Variants in HTR2C observed in about 807,000 individuals in gnomAD.
The protein encoded by HTR2C is 5-hydroxytryptamine receptor 2C.
A neutral mutation model predicts 21.0 loss-of-function variants in HTR2C; 5 were observed. That is an observed-to-expected ratio of 0.24 (90% confidence interval 0.12 to 0.50). The LOEUF is 0.50. HTR2C is among the 20% of genes least tolerant of loss of function. The pLI, the probability that HTR2C is intolerant of heterozygous loss-of-function variation, is 0.98. For missense variants in HTR2C, 271 were observed against 371.2 expected, an observed-to-expected ratio of 0.73 and a Z score of 2.22; for synonymous variants, 150 against 145.3, an observed-to-expected ratio of 1.03 and a Z score of -0.23.
At chrX:114,842,806 T>C (rs1195109388) in intron 4 of HTR2C, among the ~76,000 whole-genome samples, 1 of 111,771 alleles carries the variant, frequency 8.9e-6, no homozygotes, top group Non-Finnish European at 1.9e-5. Flanking sequence ...TCCTTTTTTT[T>C]CTTTGCCTAC....
At chrX:114,794,588 C>T (rs1384545824) in intron 4 of HTR2C, among the ~76,000 whole-genome samples, 2 of 91,715 alleles carry the variant, frequency 2.2e-5, no homozygotes, top group Non-Finnish European at 4.2e-5. Flanking sequence ...CATGTGTTCT[C>T]GTTGTTCAAT....
intron 4 of HTR2C, among the ~76,000 whole-genome samples, chrX:114,746,856 G>A (rs1602742649): frequency 9.0e-6 from 1 of 111,200 alleles, no homozygotes; most frequent in African/African-American, 3.3e-5. Context: ...ATGGTGGCGG[G>A]CGCCTGTAGT....
chrX:114,701,081 C>A (rs185948256), intron 2 of HTR2C, among the ~76,000 whole-genome samples: 2,139 of 112,176 alleles, frequency 0.019, 15 homozygotes, highest in Non-Finnish European at 0.028. Flanking sequence ...TGGAACCCAC[C>A]ACAGCTCAAG....
rs1602626115 is a variant in HTR2C at position 114,599,293 on chromosome X, G to A, written c.-146-14522G>A. Among the ~76,000 whole-genome samples the A allele has an allele frequency of 2.7e-5, 3 of 111,917 alleles. No individual in the cohort carries two copies. In the South Asian group the frequency reaches 1.1e-3, roughly 41 times the overall value. ...GAGAGAAACATGTAAAGACAAATAA[G>A]AGTATTTTTTGAAGTTTAAATTAGA... On this transcript the variant is annotated intron_variant, in intron 1 of 5. Coordinates refer to ENST00000276198, the MANE Select transcript of HTR2C (RefSeq NM_000868.4).
At chrX:114,767,279 G>A (rs2069956283) in intron 4 of HTR2C, among the ~76,000 whole-genome samples, 1 of 110,818 alleles carries the variant, frequency 9.0e-6, no homozygotes. Flanking sequence ...GTATACATGG[G>A]ATAATTAGAA....
At chrX:114,678,561 C>A (rs1931644361) in intron 2 of HTR2C, among the ~76,000 whole-genome samples, 1 of 111,322 alleles carries the variant, frequency 9.0e-6, no homozygotes, top group Admixed American at 9.6e-5. Flanking sequence ...ATGAATAGAG[C>A]CTCATGAGTA....
intron 4 of HTR2C, among the ~76,000 whole-genome samples, chrX:114,777,066 C>T (rs2070065905): frequency 9.0e-6 from 1 of 111,683 alleles, no homozygotes; most frequent in South Asian, 3.7e-4. Context: ...GTACTAATGC[C>T]CTTACAAGGG....
chrX:114,742,724 TTAA>T (rs2069661585), intron 4 of HTR2C, among the ~76,000 whole-genome samples: 54 of 53,851 alleles, frequency 1.0e-3, no homozygotes, highest in African/African-American at 3.3e-3. Context: ...TTTTTTTTTT[TTAA>T]TTTTTTTTTT....
chrX:114,771,461 AAGG>A (rs781904201), intron 4 of HTR2C, among the ~76,000 whole-genome samples: 1 of 111,758 alleles, frequency 8.9e-6, no homozygotes, highest in African/African-American at 3.3e-5. Context: ...ACCCTGTTCC[AAGG>A]AGATTTTTGT....
chrX:114,746,841 C>T (rs1274380041), intron 4 of HTR2C, among the ~76,000 whole-genome samples: 1 of 111,064 alleles, frequency 9.0e-6, no homozygotes, highest in Admixed American at 9.5e-5. Flanking sequence ...AAAAATTAGC[C>T]GGGCATGGTG....
At chrX:114,859,532 T>C (rs1171635260) in intron 5 of HTR2C, among the ~76,000 whole-genome samples, 2 of 111,579 alleles carry the variant, frequency 1.8e-5, no homozygotes, top group Admixed American at 9.6e-5. Context: ...GTCTATATAA[T>C]GTGTAGTGAC....
intron 2 of HTR2C, among the ~76,000 whole-genome samples, chrX:114,641,858 G>A (rs1737483794): frequency 9.0e-6 from 1 of 111,006 alleles, no homozygotes; most frequent in Non-Finnish European, 1.9e-5. Flanking sequence ...AGCCCAGCAC[G>A]CATTAGCATT....
At chrX:114,705,602 A>T (rs1286442235) in intron 2 of HTR2C, among the ~76,000 whole-genome samples, 3 of 105,087 alleles carry the variant, frequency 2.9e-5, no homozygotes, top group African/African-American at 1.0e-4. Flanking sequence ...AACCATAAAA[A>T]CCCTAGAAGA....
At chrX:114,732,008 A>G (rs1602729521) in intron 4 of HTR2C, among the ~76,000 whole-genome samples, 1 of 111,702 alleles carries the variant, frequency 9.0e-6, no homozygotes, top group Middle Eastern at 4.6e-3. Context: ...TAATAAATAT[A>G]TTTTAAGAAA....
chrX:114,799,053 T>A (rs989424490), intron 4 of HTR2C, among the ~76,000 whole-genome samples: 1 of 107,097 alleles, frequency 9.3e-6, no homozygotes, highest in African/African-American at 3.4e-5. Context: ...GAAAAAAAAA[T>A]AAAAAGCAAT....
At chrX:114,592,683 T>A (rs1324947232) in intron 1 of HTR2C, among the ~76,000 whole-genome samples, 1 of 112,061 alleles carries the variant, frequency 8.9e-6, no homozygotes, top group Non-Finnish European at 1.9e-5. Context: ...CAGAATTATT[T>A]CTGAAAAATG....
intron 2 of HTR2C, among the ~76,000 whole-genome samples, chrX:114,637,014 A>G (rs1929867002): frequency 9.0e-6 from 1 of 111,660 alleles, no homozygotes; most frequent in Non-Finnish European, 1.9e-5. Flanking sequence ...TTTCAGGAAA[A>G]TATTCATAGT....
intron 4 of HTR2C, among the ~76,000 whole-genome samples, chrX:114,838,648 C>G: frequency 9.0e-6 from 1 of 111,708 alleles, no homozygotes; most frequent in Non-Finnish European, 1.9e-5. Context: ...TTATGAAGCA[C>G]TATACACAAT....
intron 4 of HTR2C, among the ~76,000 whole-genome samples, chrX:114,843,482 C>T (rs1337293540): frequency 1.8e-5 from 2 of 111,031 alleles, no homozygotes; most frequent in African/African-American, 6.5e-5. Flanking sequence ...CCTAAGGGAC[C>T]TTTGAGACAC....
Sources: allele counts gnomAD v4.1 joint callset (sites outside exome capture counted in the v4.1 genomes callset), GRCh38; gene constraint gnomAD v4.1.1; transcripts MANE v1.5; gene names NCBI Gene and HGNC (gene_info 2026-07-23, HGNC 2026-07-21).